The following ANKIB1 variants were observed in gnomAD, a reference collection of about 807,000 sequenced individuals.
The protein encoded by ANKIB1 is ankyrin repeat and IBR domain containing 1.
In ANKIB1, 43 loss-of-function variants were observed where a neutral mutation model predicts 122.1. The observed-to-expected ratio is 0.35, with a 90% CI of 0.28 to 0.45. The LOEUF (loss-of-function observed/expected upper bound fraction) is 0.45, where lower values mean the gene tolerates loss of function less well. Among genes scored for constraint, ANKIB1 ranks in the 20% least tolerant of loss-of-function variants. The pLI, the probability that ANKIB1 is intolerant of heterozygous loss-of-function variation, is 1.00. For synonymous variants in ANKIB1, 390 were observed against 442.0 expected (o/e 0.88, Z 1.48); for missense variants, 992 against 1,329.5 (o/e 0.75, Z 3.95).
At chr7:92,278,294 A>G (rs917461142) in intron 1 of ANKIB1, among the ~76,000 whole-genome samples, 1 of 152,108 alleles carries the variant, frequency 6.6e-6, no homozygotes, top group Non-Finnish European at 1.5e-5. Context: ...AAAAAAGGAA[A>G]AAGAAAATGC....
At chr7:92,389,482 A>G (rs1373556323) in intron 14 of ANKIB1, among the ~76,000 whole-genome samples, 1 of 151,930 alleles carries the variant, frequency 6.6e-6, no homozygotes, top group African/African-American at 2.4e-5. Context: ...ATTAACTAGG[A>G]TTAGTTATCT....
intron 1 of ANKIB1, among the ~76,000 whole-genome samples, chr7:92,294,138 T>G (rs979666047): frequency 1.3e-5 from 2 of 152,204 alleles, no homozygotes; most frequent in Admixed American, 6.5e-5. Flanking sequence ...CACTTCACAT[T>G]GCTTCAGTAG....
At chr7:92,254,977 G>A (rs909955414) in intron 1 of ANKIB1, among the ~76,000 whole-genome samples, 2 of 152,170 alleles carry the variant, frequency 1.3e-5, no homozygotes, top group Admixed American at 1.3e-4. Flanking sequence ...AGTCACACAA[G>A]ATCTGATGGT....
In ANKIB1 at chr7:92,397,911, A is replaced by C. The variant is rs1804935531; in HGVS notation, c.2532+52A>C. On this transcript the variant is annotated intron_variant, in intron 19 of 19. Transcript: ENST00000265742. ...CTGTGCTTTTACTCTTTCTCTGCTGAGTGTGGTTTCCTGTTGTTACTTTCA... is the reference window on the plus strand; with the variant it reads ...CTGTGCTTTTACTCTTTCTCTGCTGCGTGTGGTTTCCTGTTGTTACTTTCA... 5 of 1,563,266 alleles carry C rather than the reference A, an allele frequency of 3.2e-6. No homozygotes were observed. The East Asian group carries it at 9.3e-5, about 29-fold the overall frequency.
intron 11 of ANKIB1, among the ~76,000 whole-genome samples, chr7:92,384,602 C>A (rs1211797638): frequency 6.6e-6 from 1 of 152,170 alleles, no homozygotes; most frequent in Non-Finnish European, 1.5e-5. Context: ...GCCATCTGAT[C>A]TTTGACAAAC....
intron 1 of ANKIB1, among the ~76,000 whole-genome samples, chr7:92,267,127 G>A (rs993659315): frequency 3.3e-5 from 5 of 152,214 alleles, no homozygotes; most frequent in Admixed American, 2.6e-4. Flanking sequence ...CAACTCTTTC[G>A]AGAAGAAGAT....
chr7:92,390,043 T>C lies in ANKIB1; in HGVS notation c.1979T>C (p.Leu660Pro). 1 of 1,607,502 alleles carries C rather than the reference T, an allele frequency of 6.2e-7. No homozygotes were observed. Among genetic ancestry groups the C allele is most frequent in the Middle Eastern group, 1.7e-4 (1 of 6,034 alleles). The change falls in exon 15 of 20, where the codon CTC becomes CCC. Residue 660 changes from leucine (L) to proline (P), a missense_variant. Physicochemically the swap from Leu to Pro is moderately conservative, Grantham distance 98. Around this residue, in one of 4 missense-constraint regions of ANKIB1, gnomAD observed 521 missense variants for 777.7 expected, o/e 0.67. Transcript: ENST00000265742. Reference sequence around the variant, plus strand: ...GTGCTCTTAAAAACTCGGCGCATTCTCAAGTGTTCTTATCCATATGGATTT... The same window carrying C: ...GTGCTCTTAAAAACTCGGCGCATTCCCAAGTGTTCTTATCCATATGGATTT... ...VHVLLKTRRI[L>P]KCSYPYGFFL...
At chr7:92,259,422 C>T (rs968254376) in intron 1 of ANKIB1, among the ~76,000 whole-genome samples, 1 of 152,024 alleles carries the variant, frequency 6.6e-6, no homozygotes, top group Non-Finnish European at 1.5e-5. Context: ...AATTGGATTT[C>T]TGGCTTTTTT....
intron 4 of ANKIB1, among the ~76,000 whole-genome samples, chr7:92,322,625 A>G (rs1213760277): frequency 6.6e-6 from 1 of 152,176 alleles, no homozygotes; most frequent in Non-Finnish European, 1.5e-5. Context: ...ATGCAAAAGT[A>G]AGATCATGTC....
At chr7:92,382,167 T>C (rs1227884524) in intron 11 of ANKIB1, among the ~76,000 whole-genome samples, 1 of 151,732 alleles carries the variant, frequency 6.6e-6, no homozygotes, top group African/African-American at 2.4e-5. Flanking sequence ...GGTAAAGGGA[T>C]CAATTCAACA....
chr7:92,401,212 A>T lies in ANKIB1; in HGVS notation c.*2263A>T, dbSNP rs538398158. The T allele has an allele frequency of 6.8e-6, 1 of 147,604 alleles. No individual in the cohort carries two copies. The highest frequency in any genetic ancestry group is 2.0e-4 in the East Asian group (1 of 5,098). The allele number at this position is 147,604 out of a possible 1,614,324, so 9.1% of individuals were successfully genotyped here. A position where few individuals can be genotyped will look rare whatever the true frequency, so the allele number is the denominator to read the frequency against. ...TGTAAACAAGTTAATTTTATAATGTAAAAAAAAAAAGTTAATCTAACCTTG... is the reference window on the plus strand; with the variant it reads ...TGTAAACAAGTTAATTTTATAATGTTAAAAAAAAAAGTTAATCTAACCTTG... On this transcript the variant is annotated 3_prime_UTR_variant, in exon 20 of 20. Coordinates refer to ENST00000265742, the MANE Select transcript of ANKIB1 (RefSeq NM_019004.2).
intron 1 of ANKIB1, among the ~76,000 whole-genome samples, chr7:92,284,258 C>T (rs1435731496): frequency 6.6e-6 from 1 of 152,092 alleles, no homozygotes; most frequent in Admixed American, 6.5e-5. Flanking sequence ...GATAATGAGG[C>T]ATGTACTGGG....
chr7:92,371,927 C>T (rs1210440425), intron 11 of ANKIB1, among the ~76,000 whole-genome samples: 1 of 150,032 alleles, frequency 6.7e-6, no homozygotes, highest in East Asian at 2.0e-4. Context: ...AGTCACCTTC[C>T]CCAGTGAGAG....
intron 7 of ANKIB1, among the ~76,000 whole-genome samples, chr7:92,349,365 C>T (rs962664854): frequency 2.6e-5 from 4 of 151,900 alleles, no homozygotes; most frequent in Non-Finnish European, 4.4e-5. Flanking sequence ...ATTGCCCAGA[C>T]GAGGATATGA....
intron 16 of ANKIB1, among the ~76,000 whole-genome samples, chr7:92,391,825 G>A (rs1804792675): frequency 6.6e-6 from 1 of 152,002 alleles, no homozygotes; most frequent in East Asian, 1.9e-4. Flanking sequence ...TTGAGTTGTA[G>A]TTGTTTTATT....
At chr7:92,379,661 G>T (rs920126766) in intron 11 of ANKIB1, among the ~76,000 whole-genome samples, 1 of 152,140 alleles carries the variant, frequency 6.6e-6, no homozygotes, top group Non-Finnish European at 1.5e-5. Flanking sequence ...GGACTACTGG[G>T]CAGTTGTGTG....
intron 11 of ANKIB1, among the ~76,000 whole-genome samples, chr7:92,378,248 A>G (rs1227514050): frequency 6.6e-6 from 1 of 152,130 alleles, no homozygotes; most frequent in Non-Finnish European, 1.5e-5. Flanking sequence ...TTCATTTGGA[A>G]TATTTGCAGT....
chr7:92,308,232 A>G (rs1447650823), intron 3 of ANKIB1, among the ~76,000 whole-genome samples: 1 of 152,128 alleles, frequency 6.6e-6, no homozygotes, highest in East Asian at 1.9e-4. Flanking sequence ...TCACAGGTGA[A>G]CAATCACTTT....
intron 6 of ANKIB1, 78 bp downstream of exon 6, chr7:92,343,310 A>G (rs1314825412): frequency 3.0e-6 from 4 of 1,316,626 alleles, no homozygotes; most frequent in East Asian, 2.5e-5. Context: ...ATATTGTTCC[A>G]TGGAGTGTCT....
Sources: allele counts gnomAD v4.1 joint callset (sites outside exome capture counted in the v4.1 genomes callset), GRCh38; gene constraint gnomAD v4.1.1; regional missense constraint gnomAD v4.1.1; transcripts MANE v1.5; gene names NCBI Gene and HGNC (gene_info 2026-07-23, HGNC 2026-07-21).